Variants in PCNX2 observed in about 807,000 individuals in gnomAD.
PCNX2 encodes pecanex 2.
In PCNX2, 168 loss-of-function variants were observed where a neutral mutation model predicts 223.8. The observed-to-expected ratio is 0.75, with a 90% CI of 0.66 to 0.85. PCNX2 has a LOEUF of 0.85. Ranked by LOEUF, PCNX2 falls within the 40% of genes least tolerant of loss-of-function variation. The pLI is 0.00. For synonymous variants in PCNX2, 1,006 were observed against 1,052.6 expected (o/e 0.96, Z 0.86); for missense variants, 2,507 against 2,675.5 (o/e 0.94, Z 1.39).
intron 7 of PCNX2, 28 bp from the exon 8 acceptor site, chr1:233,250,860 AAT>A (rs1313651549): frequency 6.5e-7 from 1 of 1,543,192 alleles, no homozygotes; most frequent in Admixed American, 2.0e-5. Flanking sequence ...TTCAGCAAAG[AAT>A]ATGACATAAT....
intron 19 of PCNX2, among the ~76,000 whole-genome samples, chr1:233,151,246 C>A (rs905851748): frequency 5.9e-5 from 9 of 152,132 alleles, no homozygotes; most frequent in Non-Finnish European, 1.3e-4. Flanking sequence ...ATATATCATC[C>A]TATCCTAGAG....
chr1:233,252,550 C>T (rs554025692), intron 6 of PCNX2, 51 bp from the exon 7 acceptor site: 1 of 1,587,808 alleles, frequency 6.3e-7, no homozygotes, highest in Non-Finnish European at 8.6e-7. Flanking sequence ...TCCTCCTTAT[C>T]CTTGATAAAG....
intron 8 of PCNX2, among the ~76,000 whole-genome samples, chr1:233,238,322 T>A (rs933622749): frequency 6.6e-6 from 1 of 152,200 alleles, no homozygotes; most frequent in Non-Finnish European, 1.5e-5. Context: ...ATCTTTTGGA[T>A]GTTTCTTTTT....
intron 7 of PCNX2, 135 bp downstream of exon 7, chr1:233,252,219 A>G (rs1656518939): frequency 9.7e-7 from 1 of 1,034,064 alleles, no homozygotes; most frequent in Non-Finnish European, 1.3e-6. Context: ...CATTCAAAGA[A>G]CAGTATGTGG....
chr1:233,123,411 C>T (rs978750521), intron 21 of PCNX2, among the ~76,000 whole-genome samples: 1 of 152,072 alleles, frequency 6.6e-6, no homozygotes, highest in Non-Finnish European at 1.5e-5. Context: ...GAAACCCCAT[C>T]TCTACTAAAA....
chr1:233,180,674 T>G (rs911593645), intron 15 of PCNX2: 5 of 152,180 alleles, frequency 3.3e-5, no homozygotes, highest in Admixed American at 2.0e-4. Context: ...TTTACATGCT[T>G]CATTTTCCTA....
At chr1:233,256,294 T>G (rs1431423879) in intron 5 of PCNX2, among the ~76,000 whole-genome samples, 1 of 152,128 alleles carries the variant, frequency 6.6e-6, no homozygotes, top group East Asian at 1.9e-4. Context: ...ATTTTTCACA[T>G]ATTTTCCTAA....
the PCNX2 span, among the ~76,000 whole-genome samples, chr1:233,301,143 CA>C: frequency 6.6e-6 from 1 of 152,042 alleles, no homozygotes; most frequent in African/African-American, 2.4e-5. Flanking sequence ...AGCAACATAT[CA>C]AAAATTGAAA....
intron 9 of PCNX2, among the ~76,000 whole-genome samples, chr1:233,229,810 A>C (rs1250488038): frequency 6.6e-6 from 1 of 152,062 alleles, no homozygotes; most frequent in Non-Finnish European, 1.5e-5. Context: ...TTAAAAAAAA[A>C]ACCTCCTCAA....
intron 25 of PCNX2, among the ~76,000 whole-genome samples, chr1:233,046,316 A>G (rs1443926942): frequency 6.6e-6 from 1 of 152,210 alleles, no homozygotes; most frequent in African/African-American, 2.4e-5. Context: ...GAAAAGGAAA[A>G]TGCTGAAAAG....
chr1:233,000,328 A>C lies in PCNX2; in HGVS notation c.5305T>G (p.Phe1769Val). ...EYKVIMLHRS[F>V]LSFKVIKVNK... ...ACCTTGATCACCTTGAAGCTCAGGAAGCTTCTGTGGAGCATGATGACCTTG... is the reference window on the plus strand; with the variant it reads ...ACCTTGATCACCTTGAAGCTCAGGACGCTTCTGTGGAGCATGATGACCTTG... The change falls in exon 30 of 34, where the codon TTC becomes GTC. Residue 1769 changes from phenylalanine (F) to valine (V), a missense_variant. By Grantham distance (50) the Phe-to-Val change is conservative. Coordinates refer to ENST00000258229, the MANE Select transcript of PCNX2 (RefSeq NM_014801.4). The surrounding 1 kb of genome is among the most constrained non-coding windows in gnomAD (Gnocchi z 4.6). 6.2e-7 allele frequency: 1 copy of C among 1,613,992 alleles called. No individual in the cohort carries two copies. Among genetic ancestry groups the C allele is most frequent in the South Asian group, 1.1e-5 (1 of 91,080 alleles).
chr1:233,217,672 C>A (rs888052446), intron 12 of PCNX2, among the ~76,000 whole-genome samples: 1 of 152,160 alleles, frequency 6.6e-6, no homozygotes, highest in Non-Finnish European at 1.5e-5. Flanking sequence ...TGCACACACT[C>A]TCCACCCACT....
At chr1:233,166,983 A>T (rs182058004) in intron 17 of PCNX2, among the ~76,000 whole-genome samples, 195 of 151,416 alleles carry the variant, frequency 1.3e-3, no homozygotes, top group Non-Finnish European at 2.2e-3. Flanking sequence ...CTCTATATTT[A>T]AAAAAAAAGA....
chr1:233,022,986 T>C (rs1309196954), intron 26 of PCNX2, among the ~76,000 whole-genome samples: 1 of 152,090 alleles, frequency 6.6e-6, no homozygotes, highest in Non-Finnish European at 1.5e-5. Context: ...CTTGAGCCAC[T>C]GCGCCGGGAT....
intron 12 of PCNX2, among the ~76,000 whole-genome samples, chr1:233,214,926 TAAC>T (rs1280887153): frequency 6.6e-6 from 1 of 152,218 alleles, no homozygotes; most frequent in African/African-American, 2.4e-5. Flanking sequence ...CTTCTGATTT[TAAC>T]AACTTGCTCA....
At chr1:233,320,510 C>T in the PCNX2 span, among the ~76,000 whole-genome samples, 2 of 152,148 alleles carry the variant, frequency 1.3e-5, no homozygotes, top group Non-Finnish European at 2.9e-5. Flanking sequence ...TTTCTCCTTC[C>T]TCACCTCTCT....
At chr1:233,173,940 T>C (rs1176098963) in intron 17 of PCNX2, among the ~76,000 whole-genome samples, 3 of 151,546 alleles carry the variant, frequency 2.0e-5, no homozygotes, top group Admixed American at 6.6e-5. Context: ...GATTATATAG[T>C]ATGCACAGAA....
intron 32 of PCNX2, among the ~76,000 whole-genome samples, chr1:232,986,785 A>T (rs1490358824): frequency 6.6e-6 from 1 of 152,186 alleles, no homozygotes; most frequent in Non-Finnish European, 1.5e-5. Flanking sequence ...GGTTGGGGGT[A>T]CAGTGTGAGA....
At chr1:233,233,440 G>T (rs1050956388) in intron 9 of PCNX2, among the ~76,000 whole-genome samples, 3 of 150,952 alleles carry the variant, frequency 2.0e-5, no homozygotes, top group Non-Finnish European at 4.4e-5. Context: ...GTGTGTGTGT[G>T]TGTGTGTGTG....
Sources: gnomAD v4.1 joint callset for allele counts (sites outside exome capture counted in the v4.1 genomes callset) on GRCh38, gnomAD v4.1.1 for gene constraint, Gnocchi (gnomAD v3.1) non-coding constraint, MANE v1.5 for transcripts, NCBI Gene and HGNC (gene_info 2026-07-23, HGNC 2026-07-21) for gene names.